Variants in RORA observed in about 807,000 individuals in gnomAD.
RORA encodes nuclear receptor ROR-alpha.
In RORA, 7 loss-of-function variants were observed where a neutral mutation model predicts 69.5. The ratio of observed to expected loss-of-function variants is 0.10; its 90% confidence interval spans 0.06 to 0.19. The LOEUF (loss-of-function observed/expected upper bound fraction) is 0.19, where lower values mean the gene tolerates loss of function less well. Ranked by LOEUF, RORA falls within the 10% of genes least tolerant of loss-of-function variation. The pLI, the probability that RORA is intolerant of heterozygous loss-of-function variation, is 1.00. For missense variants in RORA, 457 were observed against 663.0 expected (o/e 0.69, Z 3.41); for synonymous variants, 261 against 240.8 (o/e 1.08, Z -0.78).
At chr15:60,959,539 AAAC>A (rs1169772443) in intron 1 of RORA, among the ~76,000 whole-genome samples, 3 of 152,202 alleles carry the variant, frequency 2.0e-5, no homozygotes, top group Non-Finnish European at 4.4e-5. Context: ...TTACAAAAAT[AAAC>A]AACAACAACA....
chr15:60,912,142 G>A (rs73432014), intron 1 of RORA, among the ~76,000 whole-genome samples: 3,079 of 152,212 alleles, frequency 0.02, 101 homozygotes, highest in South Asian at 0.086. Flanking sequence ...CAGGTGCAGT[G>A]GCTCACGCCT....
intron 1 of RORA, among the ~76,000 whole-genome samples, chr15:61,040,113 GATATATAT>G (rs60830259): frequency 0.038 from 1,738 of 46,128 alleles, 28 homozygotes; most frequent in African/African-American, 0.049. Context: ...CACAAGCTTT[GATATATAT>G]ATATATATAT....
intron 1 of RORA, among the ~76,000 whole-genome samples, chr15:60,746,479 G>T (rs753298427): frequency 2.6e-5 from 4 of 151,906 alleles, no homozygotes; most frequent in Non-Finnish European, 2.9e-5. Flanking sequence ...TTTAGAACTC[G>T]CAATATAAGG....
chr15:60,869,964 G>A (rs1317091429), intron 1 of RORA, among the ~76,000 whole-genome samples: 1 of 152,218 alleles, frequency 6.6e-6, no homozygotes, highest in Non-Finnish European at 1.5e-5. Flanking sequence ...GTGACTTGAG[G>A]ACTCTTTGTG....
chr15:60,570,541 T>C (rs1181393030), intron 2 of RORA, among the ~76,000 whole-genome samples: 1 of 152,094 alleles, frequency 6.6e-6, no homozygotes, highest in Non-Finnish European at 1.5e-5. Flanking sequence ...GTAGAGACAG[T>C]GTTTCACCAT....
chr15:60,505,495 C>A lies in RORA; in HGVS notation c.942+13G>T. 6.2e-7 allele frequency: 1 copy of A among 1,613,552 alleles called. No individual in the cohort carries two copies. Among genetic ancestry groups the A allele is most frequent in the Non-Finnish European group, 8.5e-7 (1 of 1,179,640 alleles). The stretch of plus-strand genomic sequence containing the variant: ...TGCCTCAATCCTAGGAGGAAAAATT[C>A]CTCAGATCATACCTTGTTTTGATAG... On this transcript the variant is annotated intron_variant, in intron 6 of 10. Coordinates refer to ENST00000335670, the MANE Select transcript of RORA (RefSeq NM_134261.3).
chr15:60,740,260 C>G (rs974120429), intron 1 of RORA, among the ~76,000 whole-genome samples: 6 of 151,058 alleles, frequency 4.0e-5, no homozygotes, highest in Middle Eastern at 3.4e-3. Flanking sequence ...CGTTACCCCC[C>G]GCACTTCAGA....
In RORA at chr15:60,489,579, T is replaced by C. The variant is rs993357357; in HGVS notation, c.*7876A>G. 2 of 152,240 alleles carry C rather than the reference T, an allele frequency of 1.3e-5. No homozygotes were observed. Among genetic ancestry groups the C allele is most frequent in the Non-Finnish European group, 2.9e-5 (2 of 68,044 alleles). The allele number at this position is 152,240 out of a possible 1,614,324, so 9.4% of individuals were successfully genotyped here. ...AATGGGTAGAAAGGCTTAATTAAGC[T>C]ACTTATTAAATAACTTTGAAAATGA... On this transcript the variant is annotated 3_prime_UTR_variant, in exon 11 of 11. Transcript: ENST00000335670.
intron 2 of RORA, among the ~76,000 whole-genome samples, chr15:60,573,750 C>T (rs1567097304): frequency 6.6e-6 from 1 of 152,266 alleles, no homozygotes; most frequent in Admixed American, 6.5e-5. Context: ...GCCTTCACTT[C>T]TTCCAAAAAG....
intron 1 of RORA, among the ~76,000 whole-genome samples, chr15:60,753,908 T>A (rs2071761629): frequency 6.6e-6 from 1 of 152,212 alleles, no homozygotes; most frequent in African/African-American, 2.4e-5. Flanking sequence ...AGCATCACGA[T>A]ACATGTGGAG....
intron 1 of RORA, among the ~76,000 whole-genome samples, chr15:61,170,388 T>G (rs1363515465): frequency 6.6e-6 from 1 of 152,198 alleles, no homozygotes; most frequent in East Asian, 1.9e-4. Flanking sequence ...TCTTCCTGTT[T>G]GTGTGTCCTG....
chr15:60,726,065 C>T (rs557577993), intron 1 of RORA, among the ~76,000 whole-genome samples: 107 of 152,232 alleles, frequency 7.0e-4, no homozygotes, highest in African/African-American at 2.1e-3. Context: ...ATCTGCATAA[C>T]CCTCAGATGT....
chr15:61,182,937 G>GGATCAA (rs1342944079), intron 1 of RORA: 2 of 152,156 alleles, frequency 1.3e-5, no homozygotes, highest in African/African-American at 4.8e-5. Context: ...CTCTTCACAG[G>GGATCAA]GATCAAGATC....
chr15:60,598,983 A>G (rs1422824530), intron 2 of RORA, among the ~76,000 whole-genome samples: 2 of 152,244 alleles, frequency 1.3e-5, no homozygotes, highest in East Asian at 3.8e-4. Flanking sequence ...TCAAGGTATC[A>G]GTCTATCCTC....
intron 1 of RORA, among the ~76,000 whole-genome samples, chr15:60,716,336 G>A (rs2071218775): frequency 2.0e-5 from 3 of 152,178 alleles, no homozygotes; most frequent in Admixed American, 2.0e-4. Flanking sequence ...ACCGCCTTTT[G>A]TATCATCTTT....
chr15:61,182,276 T>A (rs530225948), intron 1 of RORA, among the ~76,000 whole-genome samples: 9 of 152,164 alleles, frequency 5.9e-5, no homozygotes, highest in Non-Finnish European at 4.4e-5. Flanking sequence ...TCGCCTGAGG[T>A]CACACAGCTC....
intron 1 of RORA, among the ~76,000 whole-genome samples, chr15:61,009,937 G>T (rs1000402430): frequency 2.6e-5 from 4 of 152,152 alleles, no homozygotes; most frequent in African/African-American, 9.7e-5. Flanking sequence ...AAAAATTGGA[G>T]TCTTCAAATT....
intron 1 of RORA, among the ~76,000 whole-genome samples, chr15:61,001,490 C>T (rs998150358): frequency 6.6e-6 from 1 of 152,186 alleles, no homozygotes; most frequent in East Asian, 1.9e-4. Context: ...TTTACAGTGC[C>T]GCTGGGAGAT....
At chr15:60,597,599 T>TAC (rs1364366915) in intron 2 of RORA, among the ~76,000 whole-genome samples, 12 of 37,220 alleles carry the variant, frequency 3.2e-4, no homozygotes, top group Admixed American at 1.4e-3. Flanking sequence ...TATATACACA[T>TAC]ATATATATAT....
Sources: allele counts gnomAD v4.1 joint callset (sites outside exome capture counted in the v4.1 genomes callset), GRCh38; gene constraint gnomAD v4.1.1; transcripts MANE v1.5; gene names NCBI Gene and HGNC (gene_info 2026-07-23, HGNC 2026-07-21).